ZNF385D: variants seen among roughly 807,000 people sequenced by gnomAD.
The protein encoded by ZNF385D is zinc finger protein 385D, also known as zinc finger protein 659.
ZNF385D carries 15 observed loss-of-function variants against 35.8 expected under a neutral mutation model. That is an observed-to-expected ratio of 0.42 (90% CI 0.28 to 0.64). The LOEUF (loss-of-function observed/expected upper bound fraction) is 0.64, where lower values mean the gene tolerates loss of function less well. Among genes scored for constraint, ZNF385D ranks in the 30% least tolerant of loss-of-function variants. ZNF385D has a pLI of 0.23. For missense variants in ZNF385D, 474 were observed against 494.6 expected (o/e 0.96, Z 0.39); for synonymous variants, 212 against 186.8 (o/e 1.13, Z -1.10).
intron 4 of ZNF385D, among the ~76,000 whole-genome samples, chr3:21,463,233 G>A (rs1703294192): frequency 1.3e-5 from 2 of 151,314 alleles, no homozygotes; most frequent in Non-Finnish European, 2.9e-5. Flanking sequence ...AAATTCAATA[G>A]CATGAAACAG....
intron 4 of ZNF385D, among the ~76,000 whole-genome samples, chr3:21,507,110 G>T (rs906018521): frequency 1.3e-5 from 2 of 151,950 alleles, no homozygotes; most frequent in African/African-American, 4.8e-5. Flanking sequence ...AAATTTAAGA[G>T]GAATTATCAA....
chr3:21,714,797 C>A (rs911962399), intron 1 of ZNF385D, among the ~76,000 whole-genome samples: 1 of 152,296 alleles, frequency 6.6e-6, no homozygotes, highest in Middle Eastern at 3.4e-3. Context: ...TCTAAAATCC[C>A]TGTTCCTACT....
chr3:21,694,262 C>G (rs2067393205), intron 1 of ZNF385D, among the ~76,000 whole-genome samples: 3 of 151,840 alleles, frequency 2.0e-5, no homozygotes, highest in Admixed American at 1.3e-4. Flanking sequence ...CCAGGATGGT[C>G]TTGACCTCAT....
intron 1 of ZNF385D, among the ~76,000 whole-genome samples, chr3:21,707,873 A>G (rs531043314): frequency 1.3e-5 from 2 of 152,336 alleles, no homozygotes; most frequent in East Asian, 3.9e-4. Context: ...ATGAGAAGTG[A>G]GTAAGCAGGA....
intron 3 of ZNF385D, among the ~76,000 whole-genome samples, chr3:21,811,063 A>C (rs1057367093): frequency 5.3e-5 from 8 of 151,820 alleles, no homozygotes; most frequent in Admixed American, 5.3e-4. Context: ...CAGGATTTCC[A>C]CATAGGAAAT....
Position 21,517,913 on chromosome 3 carries a change from T to C in ZNF385D, c.277-6890A>G, listed in dbSNP as rs192178424. On this transcript the variant is annotated intron_variant, in intron 3 of 7. Transcript: ENST00000281523. Reference sequence around the variant, plus strand: ...ATTCTGGTCCCCAGACCAGCAATCTTAACATCATAGTGTGGGCTTGGGACA... The same window carrying C: ...ATTCTGGTCCCCAGACCAGCAATCTCAACATCATAGTGTGGGCTTGGGACA... Among the ~76,000 whole-genome samples, 239 of 152,300 alleles carry C rather than the reference T, an allele frequency of 1.6e-3. 1 individual carries two copies. The highest frequency in any genetic ancestry group is 5.0e-3 in the South Asian group (24 of 4,834).
At chr3:22,231,655 T>C (rs1279560922) in intron 2 of ZNF385D, among the ~76,000 whole-genome samples, 1 of 152,082 alleles carries the variant, frequency 6.6e-6, no homozygotes, top group Non-Finnish European at 1.5e-5. Flanking sequence ...CTGTCTTCCA[T>C]ACCTACTGGG....
chr3:22,016,084 G>T (rs951020523), intron 3 of ZNF385D, among the ~76,000 whole-genome samples: 1 of 152,090 alleles, frequency 6.6e-6, no homozygotes, highest in Non-Finnish European at 1.5e-5. Context: ...TGCAGCACTT[G>T]CTACTTGTTA....
intron 2 of ZNF385D, among the ~76,000 whole-genome samples, chr3:22,319,036 T>C (rs1187276429): frequency 5.3e-5 from 8 of 152,200 alleles, no homozygotes; most frequent in Admixed American, 5.2e-4. Flanking sequence ...GGGCAGGCTT[T>C]TATAAATTTG....
chr3:21,866,825 TA>T lies in ZNF385D; in HGVS notation c.326-201798del, dbSNP rs1435375745. On this transcript the variant is annotated intron_variant, in intron 3 of 5. Coordinates refer to the ZNF385D transcript ENST00000494108. The stretch of plus-strand genomic sequence containing the variant: ...TAAATCAATAATTAGAATCATCAGG[TA>T]GTGATTAAAATACAAAGGCCTGCCT... Among the ~76,000 whole-genome samples the T allele has an allele frequency of 4.6e-5, 7 of 152,278 alleles. No homozygotes were observed. In the South Asian group the frequency reaches 1.2e-3, roughly 27 times the overall value.
rs116190167 is a variant in ZNF385D, at chr3:21,620,718, C to T, written c.165+44168G>A. On this transcript the variant is annotated intron_variant, in intron 2 of 7. Coordinates refer to ENST00000281523, the MANE Select transcript of ZNF385D (RefSeq NM_024697.3). ...ACAGGCTGAATCCTGAGTCACACAC[C>T]GAACAGGAACAAGGGTAGTTGTGAT... Among the ~76,000 whole-genome samples, 1,055 of 152,142 alleles carry T rather than the reference C, an allele frequency of 6.9e-3. 10 individuals carry two copies. Among genetic ancestry groups the T allele is most frequent in the African/African-American group, 0.023 (960 of 41,504 alleles).
chr3:22,212,490 G>A (rs374140945), intron 2 of ZNF385D, among the ~76,000 whole-genome samples: 6 of 151,988 alleles, frequency 3.9e-5, no homozygotes, highest in African/African-American at 7.2e-5. Context: ...TTGGAAGCAC[G>A]TTAGCAACGT....
At chr3:21,582,701 AATTTCTCTTAACCAT>A (rs2063701866) in intron 2 of ZNF385D, among the ~76,000 whole-genome samples, 1 of 152,138 alleles carries the variant, frequency 6.6e-6, no homozygotes, top group African/African-American at 2.4e-5. Context: ...AGCACCACAG[AATTTCTCTTAACCAT>A]GTAGGTACAG....
At chr3:21,969,299 G>A (rs912542665) in intron 3 of ZNF385D, among the ~76,000 whole-genome samples, 1 of 152,068 alleles carries the variant, frequency 6.6e-6, no homozygotes, top group African/African-American at 2.4e-5. Flanking sequence ...GGAAAGACCA[G>A]GTGGAGGTAA....
intron 2 of ZNF385D, among the ~76,000 whole-genome samples, chr3:21,573,780 C>A (rs2063405497): frequency 6.6e-6 from 1 of 151,984 alleles, no homozygotes; most frequent in African/African-American, 2.4e-5. Context: ...AAATAATGGG[C>A]TGGGCACGGT....
chr3:22,069,658 T>G (rs1156727961), intron 3 of ZNF385D, among the ~76,000 whole-genome samples: 1 of 152,138 alleles, frequency 6.6e-6, no homozygotes, highest in Admixed American at 6.5e-5. Flanking sequence ...ACCTCTTCAT[T>G]CTATCATTTT....
At chr3:21,779,236 C>T (rs2336047) in intron 3 of ZNF385D, among the ~76,000 whole-genome samples, 10,187 of 151,904 alleles carry the variant, frequency 0.067, 384 homozygotes, top group African/African-American at 0.094. Context: ...CTGCCAAATG[C>T]AATATACTCT....
chr3:21,805,938 T>C (rs1043139697), intron 3 of ZNF385D, among the ~76,000 whole-genome samples: 4 of 152,184 alleles, frequency 2.6e-5, no homozygotes, highest in Non-Finnish European at 5.9e-5. Context: ...GACTACAAGA[T>C]GGCAATCTGG....
chr3:22,197,005 T>C (rs1366699611), intron 2 of ZNF385D, among the ~76,000 whole-genome samples: 1 of 152,090 alleles, frequency 6.6e-6, no homozygotes, highest in Non-Finnish European at 1.5e-5. Context: ...CAGGTATTTC[T>C]ATTTCTCAAT....
Sources: gnomAD v4.1 joint callset for allele counts (sites outside exome capture counted in the v4.1 genomes callset) on GRCh38, gnomAD v4.1.1 for gene constraint, MANE v1.5 for transcripts, NCBI Gene and HGNC (gene_info 2026-07-23, HGNC 2026-07-21) for gene names.